NRG1: variants seen among roughly 807,000 people sequenced by gnomAD.
The protein encoded by NRG1 is pro-neuregulin-1, membrane-bound isoform.
In NRG1, 18 loss-of-function variants were observed where a neutral mutation model predicts 63.8. The ratio of observed to expected loss-of-function variants is 0.28; its 90% CI spans 0.19 to 0.42. NRG1 has a LOEUF of 0.42. Ranked by LOEUF, NRG1 falls within the 10% of genes least tolerant of loss-of-function variation. The pLI is 1.00. For synonymous variants in NRG1, 302 were observed against 301.3 expected, an observed-to-expected ratio of 1.00 and a Z score of -0.02; for missense variants, 762 against 814.7, an observed-to-expected ratio of 0.94 and a Z score of 0.79.
Position 32,311,111 on chromosome 8 carries a change from C to T in NRG1, c.38-284717C>T, listed in dbSNP as rs74382621. Among the ~76,000 whole-genome samples, 422 of 152,230 alleles carry T rather than the reference C, an allele frequency of 2.8e-3. 1 individual carries two copies. The highest frequency in any genetic ancestry group is 9.3e-3 in the African/African-American group (388 of 41,522). On this transcript the variant is annotated intron_variant, in intron 1 of 10. Coordinates refer to the NRG1 transcript ENST00000519301. Reference sequence around the variant, plus strand: ...GTACCAGTCAGGCACTCAGGGGAAACGACTATGCCATTCACTCATTCAGTC... The same window carrying T: ...GTACCAGTCAGGCACTCAGGGGAAATGACTATGCCATTCACTCATTCAGTC...
intron 1 of NRG1, among the ~76,000 whole-genome samples, chr8:32,232,464 A>G (rs1161695131): frequency 6.6e-6 from 1 of 152,162 alleles, no homozygotes; most frequent in East Asian, 1.9e-4. Context: ...TGGACCTGAA[A>G]ATTTTATGGA....
At chr8:31,769,009 T>A (rs1293824906) in intron 1 of NRG1, among the ~76,000 whole-genome samples, 1 of 152,058 alleles carries the variant, frequency 6.6e-6, no homozygotes, top group Non-Finnish European at 1.5e-5. Context: ...TTTTGAAACA[T>A]CACATTATAA....
intron 1 of NRG1, among the ~76,000 whole-genome samples, chr8:32,517,617 T>C (rs1249653586): frequency 6.6e-6 from 1 of 152,160 alleles, no homozygotes; most frequent in Non-Finnish European, 1.5e-5. Context: ...CTACGAAATA[T>C]ACAAAAAAGT....
chr8:32,551,979 C>T (rs1272277925), intron 1 of NRG1, among the ~76,000 whole-genome samples: 3 of 144,748 alleles, frequency 2.1e-5, no homozygotes, highest in South Asian at 4.4e-4. Flanking sequence ...GGTGCAATCT[C>T]GGCTCACTGC....
intron 1 of NRG1, among the ~76,000 whole-genome samples, chr8:32,371,135 C>T (rs1463000055): frequency 1.3e-5 from 2 of 152,040 alleles, no homozygotes; most frequent in Non-Finnish European, 2.9e-5. Flanking sequence ...TTGCTTGAAC[C>T]CGGGAGGCAG....
At chr8:32,078,155 A>T (rs1000707725) in intron 1 of NRG1, among the ~76,000 whole-genome samples, 3 of 152,140 alleles carry the variant, frequency 2.0e-5, no homozygotes, top group South Asian at 2.1e-4. Context: ...CGACCTCCTC[A>T]TGTTGGAGGT....
chr8:32,378,153 G>C (rs570208158), intron 1 of NRG1, among the ~76,000 whole-genome samples: 1 of 152,206 alleles, frequency 6.6e-6, no homozygotes, highest in East Asian at 1.9e-4. Context: ...AGGTCAGTTG[G>C]TGTTATGAAA....
At chr8:32,256,008 G>A (rs942989405) in intron 1 of NRG1, among the ~76,000 whole-genome samples, 11 of 152,098 alleles carry the variant, frequency 7.2e-5, no homozygotes, top group African/African-American at 2.2e-4. Flanking sequence ...TTCAGCTGTC[G>A]ATACTTGTGT....
chr8:32,446,390 C>T (rs928533490), intron 1 of NRG1, among the ~76,000 whole-genome samples: 9 of 152,112 alleles, frequency 5.9e-5, no homozygotes, highest in African/African-American at 2.2e-4. Context: ...CACGATGGCT[C>T]ATGCTTGTAA....
chr8:32,293,718 C>CT (rs770993591), intron 1 of NRG1, among the ~76,000 whole-genome samples: 14,888 of 108,112 alleles, frequency 0.14, 2,243 homozygotes, highest in African/African-American at 0.3. Flanking sequence ...TTTTCTTCTT[C>CT]TTTTTTTTTT....
chr8:31,866,733 G>A (rs140709859), intron 1 of NRG1, among the ~76,000 whole-genome samples: 4 of 152,252 alleles, frequency 2.6e-5, no homozygotes, highest in Non-Finnish European at 4.4e-5. Flanking sequence ...CTAGATAGGA[G>A]CAAACTTCAT....
At chr8:32,637,667 A>G (rs1851587048) in intron 5 of NRG1, among the ~76,000 whole-genome samples, 1 of 152,080 alleles carries the variant, frequency 6.6e-6, no homozygotes, top group Admixed American at 6.6e-5. Context: ...TATCCTCTGT[A>G]GTTTCTTTAT....
chr8:31,727,183 G>C (rs1385960924), intron 1 of NRG1, among the ~76,000 whole-genome samples: 1 of 151,902 alleles, frequency 6.6e-6, no homozygotes, highest in Non-Finnish European at 1.5e-5. Context: ...CCATCTAGTG[G>C]GACTCAGATA....
intron 1 of NRG1, among the ~76,000 whole-genome samples, chr8:32,107,929 C>G (rs552964471): frequency 2.6e-5 from 4 of 152,268 alleles, no homozygotes; most frequent in Middle Eastern, 3.4e-3. Flanking sequence ...TGATCCTTCA[C>G]CCCTATGTTA....
intron 1 of NRG1, among the ~76,000 whole-genome samples, chr8:32,341,224 T>C (rs1586920992): frequency 6.6e-6 from 1 of 152,312 alleles, no homozygotes; most frequent in East Asian, 1.9e-4. Context: ...ATAGGTCTCT[T>C]ATAATGAGTC....
intron 1 of NRG1, among the ~76,000 whole-genome samples, chr8:31,682,815 C>A (rs1808478418): frequency 6.6e-6 from 1 of 152,028 alleles, no homozygotes; most frequent in South Asian, 2.1e-4. Flanking sequence ...AACATACAAG[C>A]TAAATGATAT....
At chr8:31,652,972 C>CTCCTG (rs1805016316) in intron 1 of NRG1, among the ~76,000 whole-genome samples, 2 of 31,804 alleles carry the variant, frequency 6.3e-5, no homozygotes, top group Admixed American at 2.8e-4. Flanking sequence ...CTCCTCTCCT[C>CTCCTG]TCCTCTCCTC....
intron 1 of NRG1, among the ~76,000 whole-genome samples, chr8:32,590,390 G>A (rs114224846): frequency 0.01 from 1,566 of 152,168 alleles, 22 homozygotes; most frequent in African/African-American, 0.032. Flanking sequence ...TATGAACTGC[G>A]GTAGACCAAA....
At chr8:32,431,200 A>G (rs994296971) in intron 1 of NRG1, among the ~76,000 whole-genome samples, 5 of 152,314 alleles carry the variant, frequency 3.3e-5, no homozygotes, top group Non-Finnish European at 7.4e-5. Flanking sequence ...TGTTCTATCT[A>G]TGAAGCTCTT....
Sources: allele counts gnomAD v4.1 joint callset (sites outside exome capture counted in the v4.1 genomes callset), GRCh38; gene constraint gnomAD v4.1.1; transcripts MANE v1.5; gene names NCBI Gene and HGNC (gene_info 2026-07-23, HGNC 2026-07-21).